The following BPNT2 variants were observed in gnomAD, a reference collection of about 807,000 sequenced individuals.
The protein encoded by BPNT2 is Golgi-resident adenosine 3',5'-bisphosphate 3'-phosphatase.
Under a neutral mutation model 29.3 loss-of-function variants are expected in BPNT2, and 11 were observed. The ratio of observed to expected loss-of-function variants is 0.38; its 90% CI spans 0.24 to 0.62. BPNT2 has a LOEUF of 0.62. Among genes scored for constraint, BPNT2 ranks in the 20% least tolerant of loss-of-function variants. The pLI is 0.62. For synonymous variants in BPNT2, 195 were observed against 187.7 expected, an observed-to-expected ratio of 1.04 and a Z score of -0.32; for missense variants, 459 against 473.4, an observed-to-expected ratio of 0.97 and a Z score of 0.28.
At chr8:56,992,714 G>GCA (rs1806438456) in intron 1 of BPNT2, among the ~76,000 whole-genome samples, 2 of 140,280 alleles carry the variant, frequency 1.4e-5, no homozygotes, top group Non-Finnish European at 3.0e-5. Flanking sequence ...TCCCGCGAGC[G>GCA]CACACACGCA....
chr8:56,981,036 A>G (rs935785484), intron 1 of BPNT2, among the ~76,000 whole-genome samples: 1 of 152,072 alleles, frequency 6.6e-6, no homozygotes, highest in African/African-American at 2.4e-5. Flanking sequence ...TTTGGACTGT[A>G]TAATTCCTTG....
chr8:56,966,789 C>T (rs1805960633), intron 3 of BPNT2, among the ~76,000 whole-genome samples: 1 of 152,192 alleles, frequency 6.6e-6, no homozygotes, highest in African/African-American at 2.4e-5. Context: ...CAACCTGCAA[C>T]ATAAGCACAA....
In BPNT2 at chr8:56,966,233, T is replaced by C. The variant is rs768405549; in HGVS notation, c.766A>G (p.Thr256Ala). 3.7e-6 allele frequency: 6 copies of C among 1,614,064 alleles called. No homozygotes were observed. The highest frequency in any genetic ancestry group is 5.1e-6 in the Non-Finnish European group (6 of 1,180,032). The change falls in exon 4 of 5, where the codon ACT (threonine) becomes GCT (alanine). Residue 256 changes from threonine (T) to alanine (A), a missense_variant. Physicochemically the swap from Thr to Ala is moderately conservative, Grantham distance 58. Coordinates refer to ENST00000262644, the MANE Select transcript of BPNT2 (RefSeq NM_017813.5). ...SGMVKQVALQTFGNQTTIIPA... is the reference protein window; with the variant it reads ...SGMVKQVALQAFGNQTTIIPA... ...ATAATTGTAGTCTGGTTTCCAAAAG[T>C]CTGAAGAGCGACCTGTTTGACCATC...
In BPNT2 at chr8:56,986,857, T is replaced by C. The variant is rs147987081; in HGVS notation, c.387+6342A>G. Among the ~76,000 whole-genome samples the C allele has an allele frequency of 1.4e-4, 21 of 152,340 alleles. No homozygotes were observed. In the East Asian group the frequency reaches 3.9e-3, roughly 28 times the overall value. Reference sequence around the variant, plus strand: ...TTACAATGAATGGTGCATATCATTCTTGCACCATTGTAAAGAAATCCTAAG... The same window carrying C: ...TTACAATGAATGGTGCATATCATTCCTGCACCATTGTAAAGAAATCCTAAG... On this transcript the variant is annotated intron_variant, in intron 1 of 4. Coordinates refer to ENST00000262644, the MANE Select transcript of BPNT2 (RefSeq NM_017813.5).
At chr8:56,964,990 T>C (rs760079809) in intron 4 of BPNT2, among the ~76,000 whole-genome samples, 2 of 152,060 alleles carry the variant, frequency 1.3e-5, no homozygotes, top group African/African-American at 2.4e-5. Context: ...AAGGCAGATA[T>C]ATAGAACAGA....
intron 3 of BPNT2, among the ~76,000 whole-genome samples, chr8:56,971,823 T>G (rs1806040779): frequency 7.2e-6 from 1 of 138,480 alleles, no homozygotes; most frequent in South Asian, 2.5e-4. Context: ...CCAAGTGTCA[T>G]GAGCACCCAC....
At chr8:56,973,306 G>A (rs1806068101) in intron 3 of BPNT2, among the ~76,000 whole-genome samples, 1 of 151,994 alleles carries the variant, frequency 6.6e-6, no homozygotes. Context: ...AGGTCATAAG[G>A]ACCTTTAAGG....
rs1187413950 is a variant in BPNT2 at position 56,961,395 on chromosome 8, C to T, written c.*2398G>A. On this transcript the variant is annotated 3_prime_UTR_variant, in exon 5 of 5. Transcript: ENST00000262644. ...TGCAACGTATATTGGCTTTTAAAAA[C>T]AAACAATTTTAAAAATGAACTTTTT... is the stretch of plus-strand genomic sequence containing the variant. 2 of 151,776 alleles carry T rather than the reference C, an allele frequency of 1.3e-5. No individual in the cohort carries two copies. Among genetic ancestry groups the T allele is most frequent in the Non-Finnish European group, 2.9e-5 (2 of 67,946 alleles). 9.4% of individuals were successfully genotyped at this position (151,776 alleles called of 1,614,324 possible).
intron 1 of BPNT2, among the ~76,000 whole-genome samples, chr8:56,981,597 T>A (rs1351653227): frequency 6.6e-6 from 1 of 152,172 alleles, no homozygotes; most frequent in African/African-American, 2.4e-5. Context: ...AATAAAAAAA[T>A]GTTTTAGAAC....
At position 56,963,848 on chromosome 8, in the gene BPNT2, T is replaced by C; in HGVS notation, c.1025A>G (p.Asn342Ser). The change falls in exon 5 of 5, where the codon AAC becomes AGC. Residue 342 changes from asparagine (N) to serine (S), a missense_variant. By Grantham distance (46) the Asn-to-Ser change is conservative. Coordinates refer to ENST00000262644, the MANE Select transcript of BPNT2 (RefSeq NM_017813.5). Reference protein sequence around the residue: ...EGGLLASIRMNHQALVRKLPD... With the variant: ...EGGLLASIRMSHQALVRKLPD... ...GAGTTTTCTGACCAGGGCCTGGTGGTTCATTCTGATGCTAGCAAGGAGTCC... is the reference window on the plus strand; with the variant it reads ...GAGTTTTCTGACCAGGGCCTGGTGGCTCATTCTGATGCTAGCAAGGAGTCC... 6.2e-7 allele frequency: 1 copy of C among 1,614,134 alleles called. No individual in the cohort carries two copies. The highest frequency in any genetic ancestry group is 8.5e-7 in the Non-Finnish European group (1 of 1,180,012).
chr8:56,990,578 T>C (rs985483288), intron 1 of BPNT2, among the ~76,000 whole-genome samples: 3 of 152,162 alleles, frequency 2.0e-5, no homozygotes, highest in African/African-American at 7.2e-5. Context: ...TAGCACTCAC[T>C]TCTCTGGAGT....
chr8:56,962,305 A>G lies in BPNT2; in HGVS notation c.*1488T>C, dbSNP rs1462734403. The G allele has an allele frequency of 1.3e-5, 2 of 152,248 alleles. No individual in the cohort carries two copies. The highest frequency in any genetic ancestry group is 4.8e-5 in the African/African-American group (2 of 41,462). The allele number at this position is 152,248 out of a possible 1,614,324, so 9.4% of individuals were successfully genotyped here. On this transcript the variant is annotated 3_prime_UTR_variant, in exon 5 of 5. Transcript: ENST00000262644. ...ACAATGTAACATACAAACCTAAAGT[A>G]TGCACATTCCACCAGGCTAGAACGT...
chr8:56,993,836 C>T lies in BPNT2; in HGVS notation c.-251G>A, dbSNP rs1170788390. 3.7e-6 allele frequency: 1 copy of T among 271,314 alleles called. No individual in the cohort carries two copies. The highest frequency in any genetic ancestry group is 2.3e-5 in the African/African-American group (1 of 43,740). 16.8% of individuals were successfully genotyped at this position (271,314 alleles called of 1,614,324 possible). On this transcript the variant is annotated 5_prime_UTR_variant, in exon 1 of 5. Coordinates refer to ENST00000262644, the MANE Select transcript of BPNT2 (RefSeq NM_017813.5). ...TAGGTTCTTCCGCCGGCCGGCTGGT[C>T]CGACTTCCACGTTAGCCTACGGCCG...
At chr8:56,983,511 G>A (rs1319487944) in intron 1 of BPNT2, among the ~76,000 whole-genome samples, 5 of 152,094 alleles carry the variant, frequency 3.3e-5, no homozygotes, top group African/African-American at 2.4e-5. Flanking sequence ...GATGGTGAAG[G>A]ACCTCGCAGG....
At chr8:56,991,390 T>C (rs939531407) in intron 1 of BPNT2, among the ~76,000 whole-genome samples, 1 of 152,240 alleles carries the variant, frequency 6.6e-6, no homozygotes, top group Non-Finnish European at 1.5e-5. Flanking sequence ...TCACTGCCCT[T>C]GGCAGCCATT....
intron 3 of BPNT2, 61 bp downstream of exon 3, chr8:56,977,989 A>G (rs1806172613): frequency 9.5e-7 from 1 of 1,054,250 alleles, no homozygotes; most frequent in East Asian, 2.4e-5. Flanking sequence ...ACATGACAGT[A>G]AATACTATAG....
chr8:56,977,405 C>A (rs1806159242), intron 3 of BPNT2, among the ~76,000 whole-genome samples: 1 of 152,144 alleles, frequency 6.6e-6, no homozygotes, highest in Admixed American at 6.5e-5. Context: ...TCCACCTTCA[C>A]ATCATCTTAT....
Position 56,963,796 on chromosome 8 carries a change from T to C in BPNT2, c.1077A>G (p.Lys359=). Residue 359 remains lysine, a synonymous_variant, in exon 5 of 5, where the codon AAA becomes AAG. Transcript: ENST00000262644. ...KLPDLEKTGH[K] is the part of the protein sequence containing the mutation. ...TGTACCCTGTAATCAGTTATGCTCATTTATGTCCTGTCTTTTCTAGATCTG... is the reference window on the plus strand; with the variant it reads ...TGTACCCTGTAATCAGTTATGCTCACTTATGTCCTGTCTTTTCTAGATCTG... 6.2e-7 allele frequency: 1 copy of C among 1,614,190 alleles called. No homozygotes were observed. Among genetic ancestry groups the C allele is most frequent in the Non-Finnish European group, 8.5e-7 (1 of 1,180,028 alleles).
At chr8:56,967,492 A>T (rs1805970831) in intron 3 of BPNT2, among the ~76,000 whole-genome samples, 1 of 152,136 alleles carries the variant, frequency 6.6e-6, no homozygotes, top group Admixed American at 6.6e-5. Flanking sequence ...TTATAGCAAG[A>T]GCTTCACAGA....
Sources: gnomAD v4.1 joint callset for allele counts (sites outside exome capture counted in the v4.1 genomes callset) on GRCh38, gnomAD v4.1.1 for gene constraint, MANE v1.5 for transcripts, NCBI Gene and HGNC (gene_info 2026-07-23, HGNC 2026-07-21) for gene names.